CHLSN: variants seen among roughly 807,000 people sequenced by gnomAD.
The protein encoded by CHLSN is protein cholesin.
chr7:1,000,325 CCTGCCCCGCCGTG>C, the CHLSN span: 4 of 634,786 alleles, frequency 6.3e-6, no homozygotes, highest in East Asian at 1.1e-4. Flanking sequence ...GGGAGACGTG[CCTGCCCCGCCGTG>C]CACACACCTC....
chr7:992,950 G>A, the CHLSN span, among the ~76,000 whole-genome samples: 1 of 152,208 alleles, frequency 6.6e-6, no homozygotes, highest in South Asian at 2.1e-4. Context: ...CAAAGTCCTA[G>A]GGTGTCTGAG....
chr7:1,042,831 C>T, the CHLSN span, among the ~76,000 whole-genome samples: 2 of 152,246 alleles, frequency 1.3e-5, no homozygotes, highest in Non-Finnish European at 1.5e-5. Context: ...TACTCTTAGG[C>T]GGGCTGCTAG....
At chr7:1,080,473 C>T in the CHLSN span, among the ~76,000 whole-genome samples, 4 of 152,130 alleles carry the variant, frequency 2.6e-5, no homozygotes, top group Non-Finnish European at 4.4e-5. Context: ...CGTGACGGTC[C>T]GGGGAGTCTG....
the CHLSN span, chr7:983,335 G>A: frequency 1.8e-5 from 27 of 1,539,084 alleles, no homozygotes; most frequent in South Asian, 2.4e-4. Flanking sequence ...GCCGCTCGTC[G>A]GGAACCTGCA....
the CHLSN span, among the ~76,000 whole-genome samples, chr7:1,127,904 G>A: frequency 9.2e-5 from 5 of 54,540 alleles, no homozygotes; most frequent in East Asian, 4.2e-4. Context: ...TCATCCCACC[G>A]TCACCCGGGC....
chr7:1,045,406 G>A, the CHLSN span: 15 of 152,334 alleles, frequency 9.8e-5, no homozygotes, highest in African/African-American at 3.6e-4. Context: ...GCCAGCTCCT[G>A]TCCACACGGA....
chr7:1,105,048 CT>C, the CHLSN span, among the ~76,000 whole-genome samples: 1 of 152,182 alleles, frequency 6.6e-6, no homozygotes, highest in Non-Finnish European at 1.5e-5. Flanking sequence ...GACTACTCTT[CT>C]GCACTCTCTA....
chr7:1,004,302 G>A, the CHLSN span, among the ~76,000 whole-genome samples: 7 of 152,138 alleles, frequency 4.6e-5, no homozygotes, highest in Admixed American at 3.3e-4. Context: ...TCTCAGCTCT[G>A]CCACTTTCTA....
At chr7:1,079,682 A>G in the CHLSN span, among the ~76,000 whole-genome samples, 1 of 152,146 alleles carries the variant, frequency 6.6e-6, no homozygotes, top group Admixed American at 6.5e-5. Context: ...CGTGGCAGGC[A>G]GGCCCTGGCG....
chr7:1,108,391 C>T, the CHLSN span, among the ~76,000 whole-genome samples: 70 of 152,126 alleles, frequency 4.6e-4, no homozygotes, highest in Non-Finnish European at 8.8e-4. Context: ...GGCTGTGTCC[C>T]GCGCTCTGCG....
At chr7:984,669 G>A in the CHLSN span, 1 of 1,474,832 alleles carries the variant, frequency 6.8e-7, no homozygotes, top group Admixed American at 2.5e-5. Context: ...AGGCTCCCAG[G>A]GTGGCCTGGG....
At chr7:1,129,265 G>A in the CHLSN span, among the ~76,000 whole-genome samples, 3 of 27,568 alleles carry the variant, frequency 1.1e-4, 1 homozygote, top group Non-Finnish European at 1.9e-4. Context: ...CCGGGCTGGA[G>A]TGCAGTGGCG....
the CHLSN span, among the ~76,000 whole-genome samples, chr7:1,121,623 C>T: frequency 6.6e-6 from 1 of 152,274 alleles, no homozygotes; most frequent in African/African-American, 2.4e-5. Flanking sequence ...TTCCGCTGAC[C>T]ACCACCTGTG....
the CHLSN span, chr7:986,650 G>C: frequency 1.2e-5 from 19 of 1,612,602 alleles, 1 homozygote; most frequent in South Asian, 4.4e-5. Context: ...CATGGCTCGG[G>C]GCCCTGCTCC....
chr7:1,016,278 A>G, the CHLSN span, among the ~76,000 whole-genome samples: 1 of 56,382 alleles, frequency 1.8e-5, no homozygotes, highest in Non-Finnish European at 2.9e-5. Context: ...AGCGCACGCC[A>G]GCACACAGCA....
At chr7:1,007,409 C>T in the CHLSN span, among the ~76,000 whole-genome samples, 2 of 152,224 alleles carry the variant, frequency 1.3e-5, no homozygotes, top group African/African-American at 4.8e-5. Context: ...GGCCAGTGGT[C>T]CCCAGCAGCC....
chr7:984,664 C>T, the CHLSN span: 2 of 1,478,460 alleles, frequency 1.4e-6, no homozygotes, highest in Non-Finnish European at 1.8e-6. Context: ...GGGAGAGGCT[C>T]CCAGGGTGGC....
the CHLSN span, chr7:1,093,766 G>C: frequency 1.6e-5 from 7 of 443,708 alleles, no homozygotes; most frequent in Non-Finnish European, 2.9e-5. Context: ...AAGCTGATGA[G>C]GCTGGTGACG....
chr7:1,008,927 G>A, the CHLSN span, among the ~76,000 whole-genome samples: 47 of 147,370 alleles, frequency 3.2e-4, no homozygotes, highest in Middle Eastern at 3.6e-3. Flanking sequence ...ATACACATGC[G>A]CATACATGCA....
Sources: gnomAD v4.1 joint callset for allele counts (sites outside exome capture counted in the v4.1 genomes callset) on GRCh38, gnomAD v4.1.1 for gene constraint, MANE v1.5 for transcripts, NCBI Gene and HGNC (gene_info 2026-07-23, HGNC 2026-07-21) for gene names.